The following SPOCK1 variants were observed in gnomAD, a reference collection of about 807,000 sequenced individuals.
The protein encoded by SPOCK1 is testican-1.
In SPOCK1, 23 loss-of-function variants were observed where a neutral mutation model predicts 55.3. The observed-to-expected ratio is 0.42, with a 90% confidence interval of 0.30 to 0.59. SPOCK1 has a LOEUF of 0.59. Among genes scored for constraint, SPOCK1 ranks in the 20% least tolerant of loss-of-function variants. The probability of loss-of-function intolerance (pLI) is 0.22; values close to 1 mark genes in which losing one functional copy is unlikely to be tolerated. For synonymous variants in SPOCK1, 226 were observed against 221.0 expected, an observed-to-expected ratio of 1.02 and a Z score of -0.20; for missense variants, 499 against 552.5, an observed-to-expected ratio of 0.90 and a Z score of 0.97.
At chr5:137,157,432 T>C (rs1481964937) in intron 3 of SPOCK1, among the ~76,000 whole-genome samples, 1 of 152,212 alleles carries the variant, frequency 6.6e-6, no homozygotes, top group African/African-American at 2.4e-5. Context: ...CCTGGAGAAT[T>C]TTCCCCCTCC....
At chr5:137,027,498 A>G (rs914321350) in intron 6 of SPOCK1, among the ~76,000 whole-genome samples, 14 of 152,242 alleles carry the variant, frequency 9.2e-5, no homozygotes, top group Non-Finnish European at 1.8e-4. Context: ...CTGATGTGGC[A>G]GCCATTAATC....
chr5:136,999,631 G>A (rs1390166513), intron 6 of SPOCK1, among the ~76,000 whole-genome samples: 2 of 152,100 alleles, frequency 1.3e-5, no homozygotes, highest in Non-Finnish European at 2.9e-5. Context: ...GACAAAAACG[G>A]GGAAGAAAAG....
intron 2 of SPOCK1, among the ~76,000 whole-genome samples, chr5:137,476,418 G>T (rs1753839166): frequency 6.6e-6 from 1 of 152,172 alleles, no homozygotes; most frequent in African/African-American, 2.4e-5. Context: ...ACTAAAAAAA[G>T]AAAAAGTCAG....
intron 2 of SPOCK1, among the ~76,000 whole-genome samples, chr5:137,362,240 G>A (rs1750963989): frequency 6.6e-6 from 1 of 152,108 alleles, no homozygotes; most frequent in South Asian, 2.1e-4. Context: ...AGGGTTAGAA[G>A]GGGGGTGGTG....
At chr5:137,074,375 T>C (rs1478832883) in intron 5 of SPOCK1, among the ~76,000 whole-genome samples, 1 of 152,214 alleles carries the variant, frequency 6.6e-6, no homozygotes. Flanking sequence ...GGTGGTTATA[T>C]AAGAGAACAC....
intron 2 of SPOCK1, among the ~76,000 whole-genome samples, chr5:137,459,752 A>G (rs1040657532): frequency 1.3e-5 from 2 of 152,172 alleles, no homozygotes; most frequent in African/African-American, 4.8e-5. Context: ...ATAAAAAGGT[A>G]AAATAACTAC....
chr5:137,498,615 G>C lies in SPOCK1; in HGVS notation c.1-57C>G, dbSNP rs977181488. 9 of 1,240,010 alleles carry C rather than the reference G, an allele frequency of 7.3e-6. No individual in the cohort carries two copies. In the East Asian group the frequency reaches 3.0e-4, roughly 42 times the overall value. 76.8% of individuals were successfully genotyped at this position (1,240,010 alleles called of 1,614,324 possible). ...AAGAGGGCGGGCGGCCGCGAGCCCC[G>C]GGCACCCAGGCGTCCCAGCGCCCCA... On this transcript the variant is annotated intron_variant, in intron 1 of 10. Coordinates refer to ENST00000394945, the MANE Select transcript of SPOCK1 (RefSeq NM_004598.4).
intron 3 of SPOCK1, among the ~76,000 whole-genome samples, chr5:137,150,257 T>A (rs924808758): frequency 1.9e-4 from 29 of 152,160 alleles, no homozygotes; most frequent in African/African-American, 6.8e-4. Flanking sequence ...TCCACACCAC[T>A]GATGAAGCCA....
chr5:137,127,456 G>A (rs78078532), intron 4 of SPOCK1, among the ~76,000 whole-genome samples: 19,124 of 152,312 alleles, frequency 0.13, 1,387 homozygotes, highest in East Asian at 0.22. Flanking sequence ...AGGCAAAGCC[G>A]TGGGGGCAAC....
At chr5:137,102,497 T>C (rs1753289802) in intron 5 of SPOCK1, among the ~76,000 whole-genome samples, 1 of 152,204 alleles carries the variant, frequency 6.6e-6, no homozygotes, top group African/African-American at 2.4e-5. Context: ...CTTCTTTCTC[T>C]AAGGCCTGGC....
chr5:137,023,388 G>T (rs1751610292), intron 6 of SPOCK1, among the ~76,000 whole-genome samples: 1 of 152,076 alleles, frequency 6.6e-6, no homozygotes, highest in South Asian at 2.1e-4. Flanking sequence ...GTAGGGACTG[G>T]GTTTTGACTA....
chr5:137,419,807 A>T (rs1301363756), intron 2 of SPOCK1, among the ~76,000 whole-genome samples: 2 of 152,128 alleles, frequency 1.3e-5, no homozygotes. Flanking sequence ...TTCTCCTGCC[A>T]GTTTTCCCTG....
intron 3 of SPOCK1, among the ~76,000 whole-genome samples, chr5:137,194,178 C>A (rs917117502): frequency 2.6e-5 from 4 of 152,160 alleles, no homozygotes; most frequent in African/African-American, 9.7e-5. Flanking sequence ...AGAGCCTGGG[C>A]CAGCCACTCC....
intron 5 of SPOCK1, among the ~76,000 whole-genome samples, chr5:137,101,618 A>C (rs1753265573): frequency 6.6e-6 from 1 of 152,226 alleles, no homozygotes; most frequent in African/African-American, 2.4e-5. Flanking sequence ...TAACTTCATG[A>C]CTAATCTGCA....
At chr5:137,249,688 TA>T (rs1195171228) in intron 3 of SPOCK1, among the ~76,000 whole-genome samples, 2 of 152,202 alleles carry the variant, frequency 1.3e-5, no homozygotes, top group East Asian at 1.9e-4. Flanking sequence ...TTATTTTACC[TA>T]AAAAAACTTT....
chr5:137,353,400 A>G (rs1750724237), intron 2 of SPOCK1, among the ~76,000 whole-genome samples: 1 of 152,106 alleles, frequency 6.6e-6, no homozygotes, highest in Admixed American at 6.5e-5. Flanking sequence ...ATCAATAAAT[A>G]AAAATATAAA....
rs375720263 is a variant in SPOCK1, at chr5:137,139,126, A to G, written c.347+1454T>C. Among the ~76,000 whole-genome samples the G allele has an allele frequency of 5.2e-5, 8 of 152,396 alleles. No homozygotes were observed. In the East Asian group the frequency reaches 7.7e-4, roughly 15 times the overall value. ...AGGGATGCAATCTAGCTTTACTACC[A>G]GGAAAACAGTTCAGTCTGGGGACAG... On this transcript the variant is annotated intron_variant, in intron 4 of 10. Coordinates refer to ENST00000394945, the MANE Select transcript of SPOCK1 (RefSeq NM_004598.4).
chr5:137,076,119 C>T (rs1032739630), intron 5 of SPOCK1, among the ~76,000 whole-genome samples: 6 of 152,146 alleles, frequency 3.9e-5, no homozygotes, highest in Non-Finnish European at 7.4e-5. Context: ...GGCCTGGATG[C>T]AGCAGAGAGC....
intron 2 of SPOCK1, among the ~76,000 whole-genome samples, chr5:137,460,547 G>C (rs1003080811): frequency 2.6e-5 from 4 of 152,304 alleles, no homozygotes; most frequent in African/African-American, 7.2e-5. Flanking sequence ...ATGCAGGCCA[G>C]GCTCCAGGAT....
Sources: gnomAD v4.1 joint callset for allele counts (sites outside exome capture counted in the v4.1 genomes callset) on GRCh38, gnomAD v4.1.1 for gene constraint, MANE v1.5 for transcripts, NCBI Gene and HGNC (gene_info 2026-07-23, HGNC 2026-07-21) for gene names.